The following PAK5 variants were observed in gnomAD, a reference collection of about 807,000 sequenced individuals.
PAK5 encodes p21 (RAC1) activated kinase 5.
In PAK5, 16 loss-of-function variants were observed where a neutral mutation model predicts 65.9. That is an observed-to-expected ratio of 0.24 (90% CI 0.16 to 0.37). The LOEUF (loss-of-function observed/expected upper bound fraction) is 0.37. Ranked by LOEUF, PAK5 falls within the 10% of genes least tolerant of loss-of-function variation. The pLI is 1.00. For missense variants in PAK5, 785 were observed against 903.9 expected (o/e 0.87, Z 1.69); for synonymous variants, 371 against 354.9 (o/e 1.05, Z -0.51).
At chr20:9,682,128 C>T (rs1177291009) in intron 2 of PAK5, among the ~76,000 whole-genome samples, 2 of 152,164 alleles carry the variant, frequency 1.3e-5, no homozygotes, top group African/African-American at 4.8e-5. Context: ...GAAGCTGAGG[C>T]AGGCGGATCA....
intron 1 of PAK5, among the ~76,000 whole-genome samples, chr20:9,758,381 T>G (rs923980709): frequency 3.3e-5 from 5 of 152,180 alleles, no homozygotes. Context: ...TGTTTTCTCA[T>G]GTACTGAACA....
chr20:9,711,111 G>A (rs2048072471), intron 2 of PAK5, among the ~76,000 whole-genome samples, 175 bp downstream of exon 2: 2 of 152,164 alleles, frequency 1.3e-5, no homozygotes, highest in Non-Finnish European at 2.9e-5. Context: ...GTCAGCTTCT[G>A]TAAGGCCATA....
chr20:9,610,785 ACAGGTTGGG>A (rs1215074272), intron 3 of PAK5, among the ~76,000 whole-genome samples: 5 of 152,150 alleles, frequency 3.3e-5, no homozygotes, highest in African/African-American at 9.7e-5. Flanking sequence ...TCCACATTTC[ACAGGTTGGG>A]AGTGAAATCC....
rs1979323559 is a variant in PAK5 at position 9,838,341 on chromosome 20, C to G, written c.-162+421G>C. ...CTCTGGCAATATGTCCAACACTTCT[C>G]GGGAAAAGCAGCGCCGTGGCACCCC... On this transcript the variant is annotated intron_variant, in intron 1 of 9. Transcript: ENST00000353224. This position sits in a 1 kb window ranked among gnomAD's most constrained non-coding sequence, Gnocchi z 4.5. 6.6e-6 allele frequency among the ~76,000 whole-genome samples: 1 copy of G among 152,280 alleles called. No individual in the cohort carries two copies. Among genetic ancestry groups the G allele is most frequent in the South Asian group, 2.1e-4 (1 of 4,826 alleles).
intron 1 of PAK5, among the ~76,000 whole-genome samples, chr20:9,729,825 G>A (rs1008661400): frequency 6.6e-6 from 1 of 151,382 alleles, no homozygotes; most frequent in Non-Finnish European, 1.5e-5. Context: ...TGCCCAACAT[G>A]GCAAAACTCT....
intron 1 of PAK5, among the ~76,000 whole-genome samples, chr20:9,819,248 G>A (rs1230006662): frequency 6.6e-6 from 1 of 152,118 alleles, no homozygotes; most frequent in Non-Finnish European, 1.5e-5. Context: ...TTTAATTTCA[G>A]ACTAAATCAG....
intron 7 of PAK5, among the ~76,000 whole-genome samples, chr20:9,546,018 A>G (rs1243986909): frequency 6.6e-6 from 1 of 152,206 alleles, no homozygotes; most frequent in Non-Finnish European, 1.5e-5. Context: ...AAATTGATGA[A>G]CCTCAATCAT....
At chr20:9,557,533 T>C (rs2122955634) in intron 7 of PAK5, 75 bp downstream of exon 7, 1 of 1,250,344 alleles carries the variant, frequency 8.0e-7, no homozygotes, top group South Asian at 1.8e-5. Context: ...TAAAAAAGTG[T>C]TTCTAAAAGA....
At chr20:9,815,689 A>G (rs1224080816) in intron 1 of PAK5, among the ~76,000 whole-genome samples, 5 of 152,164 alleles carry the variant, frequency 3.3e-5, no homozygotes, top group African/African-American at 4.8e-5. Context: ...TTAGTGGTCT[A>G]CCATAGCAAT....
At chr20:9,781,541 T>C (rs780751365) in intron 1 of PAK5, among the ~76,000 whole-genome samples, 2 of 152,140 alleles carry the variant, frequency 1.3e-5, no homozygotes, top group Non-Finnish European at 2.9e-5. Flanking sequence ...CCAGCAGCCT[T>C]CTAGACATCA....
intron 2 of PAK5, among the ~76,000 whole-genome samples, chr20:9,694,446 G>A (rs1985574468): frequency 6.6e-6 from 1 of 151,828 alleles, no homozygotes; most frequent in African/African-American, 2.4e-5. Flanking sequence ...GGTATAACAT[G>A]TATACAGAAA....
rs1225133285 is a variant in PAK5 at position 9,544,418 on chromosome 20, G to A, written c.1820C>T (p.Pro607Leu). ...AATCACCTCAGGGGCCATCCAGTAG[G>A]GAGTGCCAACCAATGATTTCCTCTT... Reference protein sequence around the residue: ...VPKRKSLVGTPYWMAPEVISR... With the variant: ...VPKRKSLVGTLYWMAPEVISR... The change falls in exon 8 of 10, where the codon CCC becomes CTC. Residue 607 changes from proline (P) to leucine (L), a missense_variant. Pro to Leu is a moderately conservative substitution (Grantham distance 98, BLOSUM62 -3). Around this residue, in one of 4 missense-constraint regions of PAK5, gnomAD observed 182 missense variants for 273.0 expected, o/e 0.67. Coordinates refer to ENST00000353224, the MANE Select transcript of PAK5 (RefSeq NM_177990.4). The A allele has an allele frequency of 1.9e-6, 3 of 1,613,840 alleles. No homozygotes were observed. The highest frequency in any genetic ancestry group is 2.7e-5 in the African/African-American group (2 of 74,918).
chr20:9,808,338 C>G (rs952424617), intron 1 of PAK5, among the ~76,000 whole-genome samples: 1 of 152,124 alleles, frequency 6.6e-6, no homozygotes, highest in Non-Finnish European at 1.5e-5. Flanking sequence ...TCTTTGAAAA[C>G]AGTTTGGCCG....
At chr20:9,713,702 G>A (rs558219603) in intron 1 of PAK5, among the ~76,000 whole-genome samples, 95 of 152,154 alleles carry the variant, frequency 6.2e-4, no homozygotes, top group African/African-American at 2.2e-3. Flanking sequence ...ATTAATTTCT[G>A]TCACTGGCAG....
chr20:9,832,677 C>T (rs1311446529), intron 1 of PAK5, among the ~76,000 whole-genome samples: 1 of 152,158 alleles, frequency 6.6e-6, no homozygotes, highest in Non-Finnish European at 1.5e-5. Context: ...GCATCCTTGC[C>T]AGTATTAAGT....
intron 3 of PAK5, among the ~76,000 whole-genome samples, chr20:9,641,803 C>T (rs551195874): frequency 4.6e-5 from 7 of 152,304 alleles, no homozygotes; most frequent in Non-Finnish European, 8.8e-5. Flanking sequence ...CTGGGGGACT[C>T]AGTACACCCT....
At position 9,654,336 on chromosome 20, in the gene PAK5, G is replaced by T. The variant is rs2047239321; in HGVS notation, c.-11-9997C>A. Among the ~76,000 whole-genome samples, 3 of 152,018 alleles carry T rather than the reference G, an allele frequency of 2.0e-5. No individual in the cohort carries two copies. In the South Asian group the frequency reaches 6.2e-4, roughly 32 times the overall value. On this transcript the variant is annotated intron_variant, in intron 2 of 9. Transcript: ENST00000353224. Reference sequence around the variant, plus strand: ...TTCTCTTCTACTTTTAAGGATGCTTGTATTATATTGGACCAGCCTGGATAA... The same window carrying T: ...TTCTCTTCTACTTTTAAGGATGCTTTTATTATATTGGACCAGCCTGGATAA...
At chr20:9,669,552 T>C (rs867785011) in intron 2 of PAK5, among the ~76,000 whole-genome samples, 1 of 152,098 alleles carries the variant, frequency 6.6e-6, no homozygotes, top group Non-Finnish European at 1.5e-5. Context: ...AAAAATAATA[T>C]TGTTTTTCTC....
At chr20:9,683,766 A>T (rs1289757212) in intron 2 of PAK5, among the ~76,000 whole-genome samples, 1 of 152,072 alleles carries the variant, frequency 6.6e-6, no homozygotes, top group African/African-American at 2.4e-5. Context: ...TCACCCAGGC[A>T]GGTGTGCAGT....
Sources: gnomAD v4.1 joint callset for allele counts (sites outside exome capture counted in the v4.1 genomes callset) on GRCh38, gnomAD v4.1.1 for gene constraint, gnomAD v4.1.1 regional missense constraint, Gnocchi (gnomAD v3.1) non-coding constraint, MANE v1.5 for transcripts, NCBI Gene and HGNC (gene_info 2026-07-23, HGNC 2026-07-21) for gene names.